DISC1: variants seen among roughly 807,000 people sequenced by gnomAD.
DISC1 encodes the protein disrupted in schizophrenia 1 protein.
Under a neutral mutation model 84.5 loss-of-function variants are expected in DISC1, and 57 were observed. The ratio of observed to expected loss-of-function variants is 0.67; its 90% CI spans 0.55 to 0.84. The LOEUF is 0.84. Among genes scored for constraint, DISC1 ranks in the 40% least tolerant of loss-of-function variants. The probability of loss-of-function intolerance (pLI) is 0.00; values close to 1 mark genes in which losing one functional copy is unlikely to be tolerated. For missense variants in DISC1, 1,000 were observed against 1,057.8 expected, an observed-to-expected ratio of 0.95 and a Z score of 0.76; for synonymous variants, 411 against 415.2, an observed-to-expected ratio of 0.99 and a Z score of 0.12.
At chr1:231,997,039 C>T (rs1288335947) in intron 10 of DISC1, among the ~76,000 whole-genome samples, 1 of 152,132 alleles carries the variant, frequency 6.6e-6, no homozygotes, top group Non-Finnish European at 1.5e-5. Context: ...AAGCAGGTAT[C>T]TTAAAAATCC....
At chr1:231,716,723 C>T (rs1482015569) in intron 3 of DISC1, among the ~76,000 whole-genome samples, 1 of 152,154 alleles carries the variant, frequency 6.6e-6, no homozygotes, top group East Asian at 1.9e-4. Flanking sequence ...GTGGCCTTCA[C>T]CCTCATGGGC....
At chr1:231,962,245 A>G (rs1660488127) in intron 10 of DISC1, among the ~76,000 whole-genome samples, 1 of 151,802 alleles carries the variant, frequency 6.6e-6, no homozygotes. Flanking sequence ...TTCTTTGTCA[A>G]ATTGTTTAAG....
chr1:231,693,747 G>C, intron 1 of DISC1, 79 bp from the exon 2 acceptor site: 3 of 1,604,754 alleles, frequency 1.9e-6, no homozygotes, highest in Non-Finnish European at 2.5e-6. Context: ...TTTAAACCTA[G>C]GGATGTTCTC....
chr1:231,633,642 T>C (rs1053342711), intron 1 of DISC1, among the ~76,000 whole-genome samples: 2 of 152,208 alleles, frequency 1.3e-5, no homozygotes, highest in African/African-American at 4.8e-5. Context: ...CCCAGAGCTG[T>C]ACATGTCTAG....
At chr1:231,938,467 G>A (rs2091112044) in intron 9 of DISC1, among the ~76,000 whole-genome samples, 1 of 152,098 alleles carries the variant, frequency 6.6e-6, no homozygotes, top group African/African-American at 2.4e-5. Context: ...AGAAGAGGAG[G>A]ACCTCAGCCT....
chr1:231,644,951 C>T (rs2060003910), intron 1 of DISC1, among the ~76,000 whole-genome samples: 1 of 152,022 alleles, frequency 6.6e-6, no homozygotes, highest in African/African-American at 2.4e-5. Context: ...TTTCCATCCT[C>T]ATCATGCATG....
rs1485599163 is a variant in DISC1, at chr1:231,759,540, A to AC, written c.1269-7600_1269-7599insC. Reference sequence around the variant, plus strand: ...CCCCATCTCTACAAAAAAAAAAAAAAAAAAAAAAAAACAAAACTAGCCAAA... The same window carrying AC: ...CCCCATCTCTACAAAAAAAAAAAAAACAAAAAAAAAAACAAAACTAGCCAAA... On this transcript the variant is annotated intron_variant, in intron 4 of 12. Coordinates refer to ENST00000439617, the MANE Select transcript of DISC1 (RefSeq NM_018662.3). Among the ~76,000 whole-genome samples, 1,317 of 149,724 alleles carry AC rather than the reference A, an allele frequency of 8.8e-3. 16 individuals carry two copies. The highest frequency in any genetic ancestry group is 0.014 in the Non-Finnish European group (945 of 67,246).
rs115693813 is a variant in DISC1 at position 231,778,052 on chromosome 1, G to A, written c.1634+6982G>A. On this transcript the variant is annotated intron_variant, in intron 6 of 12. Transcript: ENST00000439617. ...CAGCCCAGCAGAGCCGTGGGTCTGT[G>A]GGCCCAAGGAAAAGAGAATGGATGT... Among the ~76,000 whole-genome samples, 1,283 of 152,218 alleles carry A rather than the reference G, an allele frequency of 8.4e-3. 16 individuals are homozygous for A. Among genetic ancestry groups the A allele is most frequent in the African/African-American group, 0.029 (1,217 of 41,554 alleles).
intron 6 of DISC1, chr1:231,771,670 G>A: frequency 1.2e-6 from 1 of 814,152 alleles, no homozygotes; most frequent in Non-Finnish European, 1.5e-6. Flanking sequence ...TAATAAGAGA[G>A]AAAACTGATA....
intron 1 of DISC1, among the ~76,000 whole-genome samples, chr1:231,642,636 AT>A (rs2059822208): frequency 6.6e-6 from 1 of 152,116 alleles, no homozygotes; most frequent in Non-Finnish European, 1.5e-5. Context: ...GTGCAATTGA[AT>A]TTTGGTTTTA....
chr1:231,800,298 C>T, intron 8 of DISC1, 88 bp downstream of exon 8: 1 of 1,027,134 alleles, frequency 9.7e-7, no homozygotes, highest in Admixed American at 1.8e-5. Context: ...GATGAACATT[C>T]CACTGTTATT....
At chr1:232,027,111 C>T (rs931069072) in intron 12 of DISC1, among the ~76,000 whole-genome samples, 6 of 152,148 alleles carry the variant, frequency 3.9e-5, no homozygotes, top group Admixed American at 3.9e-4. Context: ...GACATGCACA[C>T]GAGGAAGCCA....
At chr1:231,809,269 C>A (rs1653485802) in intron 8 of DISC1, among the ~76,000 whole-genome samples, 1 of 152,170 alleles carries the variant, frequency 6.6e-6, no homozygotes, top group African/African-American at 2.4e-5. Context: ...TTTATAGGAA[C>A]CAGTTGGCAG....
At chr1:231,989,003 G>A (rs1408663300) in intron 10 of DISC1, among the ~76,000 whole-genome samples, 1 of 152,164 alleles carries the variant, frequency 6.6e-6, no homozygotes. Flanking sequence ...AGCAGCACCA[G>A]CCTCTGGGGT....
intron 1 of DISC1, among the ~76,000 whole-genome samples, chr1:231,644,618 G>T (rs1336322389): frequency 6.6e-6 from 1 of 152,128 alleles, no homozygotes; most frequent in African/African-American, 2.4e-5. Flanking sequence ...GCACTTCCTT[G>T]GTGGCTTCAG....
intron 9 of DISC1, among the ~76,000 whole-genome samples, chr1:231,932,449 C>T (rs1173101467): frequency 6.6e-6 from 1 of 152,152 alleles, no homozygotes; most frequent in East Asian, 1.9e-4. Flanking sequence ...TATTTCTAAT[C>T]CTCATGATAA....
At chr1:231,927,663 C>T (rs200564444) in intron 9 of DISC1, among the ~76,000 whole-genome samples, 6 of 152,110 alleles carry the variant, frequency 3.9e-5, no homozygotes, top group Admixed American at 6.6e-5. Context: ...ACTTGGAATA[C>T]GAAGGAAGTC....
intron 3 of DISC1, among the ~76,000 whole-genome samples, chr1:231,730,709 A>G (rs550788817): frequency 5.3e-5 from 8 of 152,352 alleles, no homozygotes; most frequent in Admixed American, 5.2e-4. Context: ...ATAATATGCT[A>G]TAAAGAATTA....
At chr1:232,006,432 C>A (rs1361101961) in intron 10 of DISC1, among the ~76,000 whole-genome samples, 1 of 152,018 alleles carries the variant, frequency 6.6e-6, no homozygotes, top group Non-Finnish European at 1.5e-5. Flanking sequence ...GCAAAGGGGA[C>A]TCTTGTTATG....
Sources: allele counts gnomAD v4.1 joint callset (sites outside exome capture counted in the v4.1 genomes callset), GRCh38; gene constraint gnomAD v4.1.1; transcripts MANE v1.5; gene names NCBI Gene and HGNC (gene_info 2026-07-23, HGNC 2026-07-21).